The following RAB3C variants were observed in gnomAD, a reference collection of about 807,000 sequenced individuals.
RAB3C encodes ras-related protein Rab-3C.
A neutral mutation model predicts 26.4 loss-of-function variants in RAB3C; 17 were observed. The observed-to-expected ratio is 0.64, with a 90% CI of 0.44 to 0.97. The LOEUF is 0.97. RAB3C is among the 50% of genes least tolerant of loss of function. The probability of loss-of-function intolerance (pLI) is 0.00; values close to 1 mark genes in which losing one functional copy is unlikely to be tolerated. For missense variants in RAB3C, 242 were observed against 281.9 expected, an observed-to-expected ratio of 0.86 and a Z score of 1.01; for synonymous variants, 91 against 95.9, an observed-to-expected ratio of 0.95 and a Z score of 0.30.
intron 3 of RAB3C, chr5:58,823,438 T>C (rs2675386): frequency 0.5 from 78,723 of 157,690 alleles, 20,248 homozygotes; most frequent in Middle Eastern, 0.69. Flanking sequence ...GCGGGACGAT[T>C]GCTTGAGCCC....
chr5:58,602,489 T>C (rs768610033), intron 1 of RAB3C, among the ~76,000 whole-genome samples: 3 of 152,204 alleles, frequency 2.0e-5, no homozygotes, highest in Non-Finnish European at 2.9e-5. Flanking sequence ...TCTATCTCAT[T>C]TCTTAGGTCT....
intron 1 of RAB3C, among the ~76,000 whole-genome samples, chr5:58,591,586 GTA>G (rs36004499): frequency 8.7e-3 from 429 of 49,518 alleles, no homozygotes; most frequent in Middle Eastern, 0.042. Context: ...TATTTTCATA[GTA>G]TATATATATA....
At chr5:58,683,699 T>A (rs1446038692) in intron 2 of RAB3C, among the ~76,000 whole-genome samples, 1 of 152,238 alleles carries the variant, frequency 6.6e-6, no homozygotes, top group East Asian at 1.9e-4. Context: ...CTGAGTAGTG[T>A]GATGGAATCT....
chr5:58,598,592 A>G lies in RAB3C; in HGVS notation c.24+15360A>G, dbSNP rs578163184. Reference sequence around the variant, plus strand: ...ATTCAGTGTCAGGCAGTGTTCTAGGACAGGTCCTATCACAGGGAATATGGC... The same window carrying G: ...ATTCAGTGTCAGGCAGTGTTCTAGGGCAGGTCCTATCACAGGGAATATGGC... On this transcript the variant is annotated intron_variant, in intron 1 of 4. Coordinates refer to ENST00000282878, the MANE Select transcript of RAB3C (RefSeq NM_138453.4). Among the ~76,000 whole-genome samples, 3 of 152,264 alleles carry G rather than the reference A, an allele frequency of 2.0e-5. No individual in the cohort carries two copies. In the East Asian group the frequency reaches 5.8e-4, roughly 29 times the overall value.
At chr5:58,729,596 T>C (rs1172775505) in intron 3 of RAB3C, among the ~76,000 whole-genome samples, 1 of 150,200 alleles carries the variant, frequency 6.7e-6, no homozygotes, top group African/African-American at 2.4e-5. Context: ...CCATTTTATA[T>C]TTTATTATAT....
chr5:58,719,935 T>TA (rs1339760892), intron 2 of RAB3C, among the ~76,000 whole-genome samples: 2 of 151,830 alleles, frequency 1.3e-5, no homozygotes, highest in Admixed American at 6.6e-5. Flanking sequence ...TGAAATAATT[T>TA]AAAAAAGGAA....
intron 2 of RAB3C, among the ~76,000 whole-genome samples, chr5:58,646,983 A>G (rs1747535851): frequency 6.6e-6 from 1 of 152,236 alleles, no homozygotes; most frequent in Non-Finnish European, 1.5e-5. Flanking sequence ...TATTAGTTCT[A>G]GGTCCACCTA....
chr5:58,790,248 T>C (rs761456248), intron 3 of RAB3C, among the ~76,000 whole-genome samples: 1 of 152,212 alleles, frequency 6.6e-6, no homozygotes, highest in Non-Finnish European at 1.5e-5. Context: ...TATTCTAAGT[T>C]AGTCATATTT....
chr5:58,697,445 G>A (rs765905212), intron 2 of RAB3C, among the ~76,000 whole-genome samples: 4 of 152,122 alleles, frequency 2.6e-5, no homozygotes, highest in Non-Finnish European at 4.4e-5. Flanking sequence ...AGGTCTGCTC[G>A]TTGCAGAGCT....
At chr5:58,786,722 A>G (rs1344839171) in intron 3 of RAB3C, among the ~76,000 whole-genome samples, 10 of 152,020 alleles carry the variant, frequency 6.6e-5, no homozygotes, top group Non-Finnish European at 1.2e-4. Flanking sequence ...AAAGTAGGGG[A>G]AAAAGGGAAC....
chr5:58,762,192 A>G (rs1741809364), intron 3 of RAB3C, among the ~76,000 whole-genome samples: 2 of 152,182 alleles, frequency 1.3e-5, no homozygotes, highest in Admixed American at 1.3e-4. Flanking sequence ...TCTGGTGTGT[A>G]CTTTATATGT....
rs998191045 is a variant in RAB3C at position 58,858,615 on chromosome 5, G to C, written c.*7264G>C. On this transcript the variant is annotated 3_prime_UTR_variant, in exon 5 of 5. Transcript: ENST00000282878. ...TCAAACATAATTCCGGAAAGAATTA[G>C]GTAGTGAGGAGATTGTGCCAGGAAA... The C allele has an allele frequency of 6.6e-5, 10 of 152,176 alleles. No individual in the cohort carries two copies. The highest frequency in any genetic ancestry group is 2.9e-5 in the Non-Finnish European group (2 of 68,036). 9.4% of individuals were successfully genotyped at this position (152,176 alleles called of 1,614,324 possible). A position where few individuals can be genotyped will look rare whatever the true frequency, so the allele number is the denominator to read the frequency against.
In RAB3C at chr5:58,724,617, T is replaced by G. The variant is rs543673653; in HGVS notation, c.253-1385T>G. Among the ~76,000 whole-genome samples the G allele has an allele frequency of 2.9e-3, 441 of 151,956 alleles. 2 individuals are homozygous for G. Among genetic ancestry groups the G allele is most frequent in the African/African-American group, 8.7e-3 (360 of 41,498 alleles). ...TATGATCTATCTTTTTATTTTGTTT[T>G]CTATAGTCAGATGCTGCTTAATGAA... On this transcript the variant is annotated intron_variant, in intron 2 of 4. Transcript: ENST00000282878.
intron 3 of RAB3C, among the ~76,000 whole-genome samples, chr5:58,778,808 TGTA>T (rs2111998541): frequency 6.6e-6 from 1 of 152,130 alleles, no homozygotes; most frequent in Non-Finnish European, 1.5e-5. Context: ...CCATGTGCAC[TGTA>T]TCTGACTGAC....
At chr5:58,703,792 C>T (rs979313303) in intron 2 of RAB3C, among the ~76,000 whole-genome samples, 2 of 152,102 alleles carry the variant, frequency 1.3e-5, no homozygotes, top group African/African-American at 4.8e-5. Flanking sequence ...AAAATTTGAG[C>T]ATCACTACAC....
Position 58,596,869 on chromosome 5 carries a change from A to AT in RAB3C, c.24+13640dup, listed in dbSNP as rs1335318398. On this transcript the variant is annotated intron_variant, in intron 1 of 4. Transcript: ENST00000282878. ...TATAATACATAATATATAATATTATATTTAATATATAATACATAATATATA... is the reference window on the plus strand; with the variant it reads ...TATAATACATAATATATAATATTATATTTTAATATATAATACATAATATATA... 3.0e-5 allele frequency among the ~76,000 whole-genome samples: 3 copies of AT among 99,152 alleles called. No individual in the cohort carries two copies. In the South Asian group the frequency reaches 1.0e-3, roughly 33 times the overall value. 65.0% of individuals were successfully genotyped at this position (99,152 alleles called of 152,430 possible). A position where few individuals can be genotyped will look rare whatever the true frequency, so the allele number is the denominator to read the frequency against.
chr5:58,622,230 A>G (rs949189774), intron 2 of RAB3C, among the ~76,000 whole-genome samples: 2 of 152,044 alleles, frequency 1.3e-5, no homozygotes, highest in Non-Finnish European at 2.9e-5. Context: ...CGATTAGGGC[A>G]GGTGGATAGT....
At chr5:58,651,296 C>G (rs1313521882) in intron 2 of RAB3C, among the ~76,000 whole-genome samples, 4 of 152,076 alleles carry the variant, frequency 2.6e-5, no homozygotes, top group Non-Finnish European at 5.9e-5. Flanking sequence ...TTCTAGCTTC[C>G]TATCTCTTTT....
intron 1 of RAB3C, among the ~76,000 whole-genome samples, chr5:58,588,178 C>T (rs1464567328): frequency 6.6e-6 from 1 of 151,800 alleles, no homozygotes; most frequent in Non-Finnish European, 1.5e-5. Context: ...TTCTATTGTT[C>T]TTTTTTATGA....
Sources: gnomAD v4.1 joint callset for allele counts (sites outside exome capture counted in the v4.1 genomes callset) on GRCh38, gnomAD v4.1.1 for gene constraint, MANE v1.5 for transcripts, NCBI Gene and HGNC (gene_info 2026-07-23, HGNC 2026-07-21) for gene names.